The following PTPRD variants were observed in gnomAD, a reference collection of about 807,000 sequenced individuals.
PTPRD encodes the protein receptor-type tyrosine-protein phosphatase delta.
A neutral mutation model predicts 214.5 loss-of-function variants in PTPRD; 34 were observed. The ratio of observed to expected loss-of-function variants is 0.16; its 90% CI spans 0.12 to 0.21. PTPRD has a LOEUF of 0.21. Among genes scored for constraint, PTPRD ranks in the 10% least tolerant of loss-of-function variants. PTPRD has a pLI of 1.00. For missense variants in PTPRD, 2,545 were observed against 2,398.7 expected (o/e 1.06, Z -1.27); for synonymous variants, 1,128 against 845.7 (o/e 1.33, Z -5.79).
At chr9:10,200,024 T>G (rs1475321796) in intron 3 of PTPRD, among the ~76,000 whole-genome samples, 1 of 152,032 alleles carries the variant, frequency 6.6e-6, no homozygotes, top group Non-Finnish European at 1.5e-5. Flanking sequence ...CATACTAAGG[T>G]TTTTTACTGT....
intron 12 of PTPRD, among the ~76,000 whole-genome samples, chr9:8,715,587 C>T (rs1234492805): frequency 6.6e-6 from 1 of 152,160 alleles, no homozygotes; most frequent in East Asian, 1.9e-4. Context: ...AATGCTCTTC[C>T]CACCACACCA....
intron 9 of PTPRD, among the ~76,000 whole-genome samples, chr9:9,293,387 T>TTTG (rs775338505): frequency 8.5e-6 from 1 of 117,618 alleles, no homozygotes; most frequent in Non-Finnish European, 1.9e-5. Flanking sequence ...TGTTTGTTTG[T>TTTG]TCTTTTTTTT....
intron 7 of PTPRD, among the ~76,000 whole-genome samples, chr9:9,606,859 A>G (rs2094188341): frequency 6.6e-6 from 1 of 151,160 alleles, no homozygotes; most frequent in Non-Finnish European, 1.5e-5. Flanking sequence ...TCCTCCAAGC[A>G]CAGCCTGCAA....
At chr9:10,445,299 T>C (rs1469204661) in intron 2 of PTPRD, among the ~76,000 whole-genome samples, 1 of 152,068 alleles carries the variant, frequency 6.6e-6, no homozygotes, top group Non-Finnish European at 1.5e-5. Flanking sequence ...GTTGCAATTG[T>C]TGACTTTGAA....
chr9:9,102,609 GT>G (rs1244101130), intron 10 of PTPRD, among the ~76,000 whole-genome samples: 1 of 152,204 alleles, frequency 6.6e-6, no homozygotes, highest in Non-Finnish European at 1.5e-5. Context: ...TCCCACCAGG[GT>G]GGCTGATTAC....
At chr9:8,870,718 A>ACACACACACG in intron 11 of PTPRD, among the ~76,000 whole-genome samples, 1 of 151,708 alleles carries the variant, frequency 6.6e-6, no homozygotes, top group Non-Finnish European at 1.5e-5. Context: ...ACACACACAC[A>ACACACACACG]CACACACACA....
At chr9:10,402,176 A>G (rs942443606) in intron 2 of PTPRD, among the ~76,000 whole-genome samples, 1 of 151,714 alleles carries the variant, frequency 6.6e-6, no homozygotes, top group African/African-American at 2.4e-5. Context: ...AGAGCAATAA[A>G]TACTTAAATA....
chr9:9,506,032 G>C (rs1227870558), intron 8 of PTPRD, among the ~76,000 whole-genome samples: 1 of 151,150 alleles, frequency 6.6e-6, no homozygotes, highest in African/African-American at 2.4e-5. Context: ...CAAGACATAG[G>C]GGCTTAAATG....
chr9:10,444,725 G>A (rs1264610618), intron 2 of PTPRD, among the ~76,000 whole-genome samples: 1 of 151,634 alleles, frequency 6.6e-6, no homozygotes, highest in Non-Finnish European at 1.5e-5. Context: ...AGACCTAATA[G>A]AAATTTCCAA....
Position 10,412,617 on chromosome 9 carries a change from C to T in PTPRD, c.-599-71600G>A, listed in dbSNP as rs552127147. Among the ~76,000 whole-genome samples the T allele has an allele frequency of 6.9e-4, 64 of 92,308 alleles. No individual in the cohort carries two copies. The South Asian group carries it at 9.8e-3, about 14-fold the overall frequency. 60.6% of individuals were successfully genotyped at this position (92,308 alleles called of 152,430 possible). On this transcript the variant is annotated intron_variant, in intron 2 of 45. Transcript: ENST00000381196. Reference sequence around the variant, plus strand: ...AACCTTGCAGATATACACACACGCACGCACACACACACACAAACACACACA... The same window carrying T: ...AACCTTGCAGATATACACACACGCATGCACACACACACACAAACACACACA...
At chr9:10,063,425 T>C (rs1001443473) in intron 3 of PTPRD, among the ~76,000 whole-genome samples, 3 of 152,028 alleles carry the variant, frequency 2.0e-5, no homozygotes, top group Admixed American at 6.6e-5. Flanking sequence ...ACATATAGTA[T>C]AGTAAGAAAA....
At chr9:10,604,794 T>C (rs987800392) in intron 2 of PTPRD, among the ~76,000 whole-genome samples, 1 of 151,928 alleles carries the variant, frequency 6.6e-6, no homozygotes, top group African/African-American at 2.4e-5. Context: ...GAATGTATTA[T>C]ATAATAAAAT....
chr9:9,353,497 C>A (rs577268930), intron 9 of PTPRD, among the ~76,000 whole-genome samples: 1 of 151,672 alleles, frequency 6.6e-6, no homozygotes, highest in African/African-American at 2.4e-5. Context: ...TGGGAGTCCA[C>A]TTCTATATAT....
chr9:10,411,214 C>A (rs780726451), intron 2 of PTPRD, among the ~76,000 whole-genome samples: 8 of 151,612 alleles, frequency 5.3e-5, no homozygotes, highest in Non-Finnish European at 8.8e-5. Context: ...TTGTATTTTT[C>A]AATAGGCCTC....
intron 8 of PTPRD, among the ~76,000 whole-genome samples, chr9:9,533,806 G>A (rs1021988333): frequency 6.6e-6 from 1 of 151,868 alleles, no homozygotes; most frequent in Non-Finnish European, 1.5e-5. Flanking sequence ...TTTTTCTGTG[G>A]GACAAGAGAG....
intron 2 of PTPRD, among the ~76,000 whole-genome samples, chr9:10,487,500 A>C (rs185262527): frequency 6.6e-6 from 1 of 152,174 alleles, no homozygotes; most frequent in African/African-American, 2.4e-5. Context: ...TGAGGCTTGC[A>C]AATACTATCT....
At chr9:8,834,121 T>G (rs1183700149) in intron 11 of PTPRD, among the ~76,000 whole-genome samples, 1 of 152,136 alleles carries the variant, frequency 6.6e-6, no homozygotes, top group Non-Finnish European at 1.5e-5. Context: ...CCCTTCATAG[T>G]CACCTACTTT....
chr9:8,477,238 C>G (rs935691118), intron 30 of PTPRD, among the ~76,000 whole-genome samples: 1 of 152,046 alleles, frequency 6.6e-6, no homozygotes, highest in Admixed American at 6.6e-5. Context: ...AACAGCTTTT[C>G]AACATAGACT....
At chr9:8,595,280 C>A (rs1436606913) in intron 14 of PTPRD, among the ~76,000 whole-genome samples, 1 of 151,272 alleles carries the variant, frequency 6.6e-6, no homozygotes, top group African/African-American at 2.4e-5. Flanking sequence ...ACATGATAAG[C>A]TTACTCTGAA....
Sources: allele counts gnomAD v4.1 joint callset (sites outside exome capture counted in the v4.1 genomes callset), GRCh38; gene constraint gnomAD v4.1.1; transcripts MANE v1.5; gene names NCBI Gene and HGNC (gene_info 2026-07-23, HGNC 2026-07-21).